Variants in ACYP1 observed in about 807,000 individuals in gnomAD.
ACYP1 encodes acylphosphatase 1.
In ACYP1, 8 loss-of-function variants were observed where a neutral mutation model predicts 10.4. That is an observed-to-expected ratio of 0.77 (90% CI 0.45 to 1.38). ACYP1 has a LOEUF of 1.38. ACYP1 is among the 40% of genes most tolerant of loss of function. The pLI, the probability that ACYP1 is intolerant of heterozygous loss-of-function variation, is 0.00. For synonymous variants in ACYP1, 38 were observed against 40.8 expected, an observed-to-expected ratio of 0.93 and a Z score of 0.26; for missense variants, 93 against 117.3, an observed-to-expected ratio of 0.79 and a Z score of 0.96.
chr14:75,060,527 T>C (rs1464557122), intron 2 of ACYP1, among the ~76,000 whole-genome samples: 1 of 152,204 alleles, frequency 6.6e-6, no homozygotes, highest in Non-Finnish European at 1.5e-5. Flanking sequence ...TACATAAAAA[T>C]ATGTGCATAT....
chr14:75,067,830 C>G (rs1174578356), upstream of ACYP1, among the ~76,000 whole-genome samples: 1 of 147,676 alleles, frequency 6.8e-6, no homozygotes, highest in East Asian at 2.0e-4. Context: ...CCTGTCTCTA[C>G]AGAAAAAAAA....
chr14:75,063,971 CCGG>C lies in ACYP1; in HGVS notation c.-29_-27del. The C allele has an allele frequency of 2.0e-6, 2 of 997,416 alleles. No homozygotes were observed. Among genetic ancestry groups the C allele is most frequent in the Non-Finnish European group, 2.4e-6 (2 of 836,526 alleles). 61.8% of individuals were successfully genotyped at this position (997,416 alleles called of 1,614,324 possible). A position where few individuals can be genotyped will look rare whatever the true frequency, so the allele number is the denominator to read the frequency against. On this transcript the variant is annotated 5_prime_UTR_variant, in exon 1 of 3. Coordinates refer to ENST00000238618, the MANE Select transcript of ACYP1 (RefSeq NM_001107.5). ...CGGCTCACCCTCCTTGTCTTCCCCA[CCGG>C]CTGCCAGGATCACTCCGGGACCACC... is the stretch of plus-strand genomic sequence containing the variant.
At chr14:75,061,540 T>C in intron 2 of ACYP1, 1 of 424,458 alleles carries the variant, frequency 2.4e-6, no homozygotes, top group Non-Finnish European at 4.1e-6. Context: ...TTTTTCTGCA[T>C]TCTGTTATTC....
At chr14:75,057,735 G>T (rs980641428) in intron 2 of ACYP1, among the ~76,000 whole-genome samples, 2 of 150,796 alleles carry the variant, frequency 1.3e-5, no homozygotes, top group African/African-American at 2.5e-5. Flanking sequence ...TTGGGAGGCC[G>T]AGGTGGGGGG....
At position 75,053,612 on chromosome 14, in the gene ACYP1, G is replaced by T; in HGVS notation, c.132C>A (p.Asp44Glu). 6.2e-7 allele frequency: 1 copy of T among 1,614,144 alleles called. No homozygotes were observed. Among genetic ancestry groups the T allele is most frequent in the African/African-American group, 1.3e-5 (1 of 75,020 alleles). ...LGLVGWVQNT[D>E]RGTVQGQLQG... ...GCAATTGTCCTTGCACTGTGCCCCG[G>T]TCAGTGTTCTGGACCCAGCCTACCA... The change falls in exon 3 of 3, where the codon GAC (aspartate) becomes GAA (glutamate). Residue 44 changes from aspartate to glutamate, a missense_variant. Transcript: ENST00000238618.
chr14:75,063,387 C>G, intron 2 of ACYP1, 83 bp downstream of exon 2: 2 of 1,155,248 alleles, frequency 1.7e-6, no homozygotes, highest in Non-Finnish European at 2.6e-6. Flanking sequence ...CCAGCGGCTT[C>G]TAGTTCACAT....
chr14:75,064,127 C>T, upstream of ACYP1: 1 of 771,016 alleles, frequency 1.3e-6, no homozygotes, highest in Non-Finnish European at 1.6e-6. Context: ...GGCCCGGGCC[C>T]GCCCAGAAGG....
At chr14:75,061,775 C>T (rs1186354607) in intron 2 of ACYP1, 3 of 1,556,198 alleles carry the variant, frequency 1.9e-6, no homozygotes, top group Non-Finnish European at 2.6e-6. Flanking sequence ...ATTTGAGTGT[C>T]AGATGGGAAG....
intron 2 of ACYP1, among the ~76,000 whole-genome samples, chr14:75,055,465 A>T (rs994670804): frequency 1.3e-5 from 2 of 151,232 alleles, no homozygotes; most frequent in Non-Finnish European, 2.9e-5. Flanking sequence ...TACTGGTTTC[A>T]TTTGTGTGCT....
chr14:75,054,243 G>A (rs1892820981), intron 2 of ACYP1, among the ~76,000 whole-genome samples: 1 of 145,962 alleles, frequency 6.9e-6, no homozygotes, highest in Non-Finnish European at 1.5e-5. Flanking sequence ...TGTAGCCAAA[G>A]CCCACTTTAT....
chr14:75,066,220 T>C (rs1303255126), upstream of ACYP1, among the ~76,000 whole-genome samples: 1 of 152,174 alleles, frequency 6.6e-6, no homozygotes, highest in Middle Eastern at 3.2e-3. Context: ...AACTTTATTC[T>C]ATAGGTAAAG....
intron 1 of ACYP1, 28 bp downstream of exon 1, chr14:75,063,926 C>T (rs568653524): frequency 3.0e-6 from 3 of 1,007,254 alleles, no homozygotes; most frequent in Non-Finnish European, 3.6e-6. Flanking sequence ...ACCTGAGAAG[C>T]ACACCCTGGG....
Position 75,063,936 on chromosome 14 carries a change from G to C in ACYP1, c.-9+18C>G. 1 of 1,001,338 alleles carries C rather than the reference G, an allele frequency of 1.0e-6. No homozygotes were observed. The highest frequency in any genetic ancestry group is 1.2e-6 in the Non-Finnish European group (1 of 838,960). The allele number at this position is 1,001,338 out of a possible 1,614,324, so 62.0% of individuals were successfully genotyped here. A position where few individuals can be genotyped will look rare whatever the true frequency, so the allele number is the denominator to read the frequency against. ...AATCGACCTGAGAAGCACACCCTGG[G>C]GGCCCCTGGCGGCTCACCCTCCTTG... On this transcript the variant is annotated intron_variant, in intron 1 of 2. Coordinates refer to ENST00000238618, the MANE Select transcript of ACYP1 (RefSeq NM_001107.5).
chr14:75,069,240 G>A (rs1335459796), exon 1 of ACYP1: 1 of 1,502,240 alleles, frequency 6.7e-7, no homozygotes, highest in Admixed American at 2.2e-5. Flanking sequence ...CCGAGCGCGC[G>A]GAGAAAGGCC....
At chr14:75,056,939 T>C (rs190530887) in intron 2 of ACYP1, among the ~76,000 whole-genome samples, 1 of 151,694 alleles carries the variant, frequency 6.6e-6, no homozygotes, top group African/African-American at 2.4e-5. Flanking sequence ...TTAAAAACGT[T>C]CCCACGAAGA....
upstream of ACYP1, among the ~76,000 whole-genome samples, chr14:75,067,768 G>A (rs1300589742): frequency 1.3e-5 from 2 of 152,016 alleles, no homozygotes; most frequent in African/African-American, 4.8e-5. Flanking sequence ...GAGGCGGGAG[G>A]ATCTCTTTTG....
intron 2 of ACYP1, among the ~76,000 whole-genome samples, chr14:75,062,620 C>A (rs554843338): frequency 1.4e-4 from 21 of 147,334 alleles, no homozygotes; most frequent in African/African-American, 4.8e-4. Context: ...TCAAGACCAG[C>A]CTGGCCAAGA....
upstream of ACYP1, among the ~76,000 whole-genome samples, chr14:75,068,613 TG>T (rs1366434467): frequency 2.6e-5 from 4 of 151,590 alleles, no homozygotes; most frequent in African/African-American, 9.7e-5. Context: ...TGAGGGAAGC[TG>T]TGGGAGTTGA....
intron 2 of ACYP1, 133 bp from the exon 3 acceptor site, chr14:75,053,792 G>GAT: frequency 1.3e-6 from 1 of 753,448 alleles, no homozygotes; most frequent in East Asian, 2.7e-5. Context: ...ACAGTCAAAA[G>GAT]AAAGACAGCA....
Sources: allele counts gnomAD v4.1 joint callset (sites outside exome capture counted in the v4.1 genomes callset), GRCh38; gene constraint gnomAD v4.1.1; transcripts MANE v1.5; gene names NCBI Gene and HGNC (gene_info 2026-07-23, HGNC 2026-07-21).